Variants in MROH9 observed in about 807,000 individuals in gnomAD.
MROH9 encodes the protein maestro heat-like repeat-containing protein family member 9.
Under a neutral mutation model 98.2 loss-of-function variants are expected in MROH9, and 92 were observed. The observed-to-expected ratio is 0.94, with a 90% CI of 0.79 to 1.11. The LOEUF is 1.11. MROH9 is among the 50% of genes most tolerant of loss of function. The pLI, the probability that MROH9 is intolerant of heterozygous loss-of-function variation, is 0.00. For synonymous variants in MROH9, 397 were observed against 368.9 expected (o/e 1.08, Z -0.87); for missense variants, 1,057 against 1,014.8 (o/e 1.04, Z -0.57).
At chr1:170,946,714 C>T (rs544252033) in intron 2 of MROH9, among the ~76,000 whole-genome samples, 8 of 151,638 alleles carry the variant, frequency 5.3e-5, no homozygotes, top group African/African-American at 7.3e-5. Context: ...CTAAATATAC[C>T]GATTAAAATA....
At chr1:170,987,726 A>C (rs1651205918) in intron 10 of MROH9, among the ~76,000 whole-genome samples, 1 of 152,160 alleles carries the variant, frequency 6.6e-6, no homozygotes, top group African/African-American at 2.4e-5. Context: ...CATTCTTTCC[A>C]AAAGGGTGGA....
At chr1:170,970,727 TGTGTGAGAGA>T (rs1251060792) in intron 7 of MROH9, among the ~76,000 whole-genome samples, 30 of 124,442 alleles carry the variant, frequency 2.4e-4, no homozygotes, top group East Asian at 4.8e-4. Flanking sequence ...TGTGTGTGTG[TGTGTGAGAGA>T]GAGAGAGAGA....
At chr1:170,944,016 A>G (rs1204600679) in intron 1 of MROH9, among the ~76,000 whole-genome samples, 1 of 152,048 alleles carries the variant, frequency 6.6e-6, no homozygotes, top group Admixed American at 6.6e-5. Context: ...GCTAATAACA[A>G]TTATAATAAA....
At chr1:170,943,631 G>T (rs1031653777) in intron 1 of MROH9, among the ~76,000 whole-genome samples, 4 of 151,454 alleles carry the variant, frequency 2.6e-5, no homozygotes, top group Admixed American at 1.3e-4. Context: ...GGAGAAAAAG[G>T]TTCATTTGAT....
In MROH9 at chr1:171,036,505, G is replaced by A. The variant is rs570420013; in HGVS notation, c.2281+11085G>A. On this transcript the variant is annotated intron_variant, in intron 20 of 21. Transcript: ENST00000367759. ...TGACATCATCTTATAAGCTAAAGTT[G>A]AGCATAATGTTCCTATAAATCTGTA... Among the ~76,000 whole-genome samples, 8 of 152,072 alleles carry A rather than the reference G, an allele frequency of 5.3e-5. No individual in the cohort carries two copies. The South Asian group carries it at 1.2e-3, about 24-fold the overall frequency.
chr1:171,033,643 GCTT>G (rs1557906900), intron 20 of MROH9, among the ~76,000 whole-genome samples: 2 of 152,112 alleles, frequency 1.3e-5, no homozygotes, highest in Non-Finnish European at 2.9e-5. Context: ...GGATTCACAT[GCTT>G]ATTATGTTTT....
At chr1:171,019,388 T>C (rs954014953) in intron 17 of MROH9, among the ~76,000 whole-genome samples, 3 of 152,114 alleles carry the variant, frequency 2.0e-5, no homozygotes, top group African/African-American at 7.2e-5. Context: ...GAGAAGTGGC[T>C]GATGCCTGTA....
At chr1:171,000,963 C>T (rs1289218000) in intron 15 of MROH9, among the ~76,000 whole-genome samples, 3 of 151,924 alleles carry the variant, frequency 2.0e-5, no homozygotes, top group Non-Finnish European at 4.4e-5. Flanking sequence ...CTGATTTAAG[C>T]TAGGGGAGTT....
chr1:170,982,297 C>T (rs1251985903), intron 8 of MROH9, among the ~76,000 whole-genome samples: 1 of 152,016 alleles, frequency 6.6e-6, no homozygotes, highest in Non-Finnish European at 1.5e-5. Flanking sequence ...TGTACGAAAA[C>T]ATGGATGAAT....
At chr1:170,987,577 C>T (rs750880096) in intron 10 of MROH9, among the ~76,000 whole-genome samples, 8 of 152,110 alleles carry the variant, frequency 5.3e-5, no homozygotes, top group Non-Finnish European at 8.8e-5. Context: ...ATTTTTTAGT[C>T]GTGAGCACAA....
chr1:171,052,855 T>C (rs1332001375), intron 20 of MROH9, among the ~76,000 whole-genome samples: 1 of 152,082 alleles, frequency 6.6e-6, no homozygotes, highest in Admixed American at 6.6e-5. Flanking sequence ...AAATACGCCT[T>C]AGTAGGGAGT....
At chr1:171,041,714 T>C (rs1024086625) in intron 20 of MROH9, among the ~76,000 whole-genome samples, 1 of 152,006 alleles carries the variant, frequency 6.6e-6, no homozygotes, top group Non-Finnish European at 1.5e-5. Flanking sequence ...CATTTTTCTC[T>C]GTAACTTCAT....
intron 3 of MROH9, among the ~76,000 whole-genome samples, chr1:170,949,281 T>C (rs1047987372): frequency 6.6e-6 from 1 of 151,920 alleles, no homozygotes; most frequent in African/African-American, 2.4e-5. Context: ...GTGGAAAGAG[T>C]ATTTCAGTAC....
chr1:171,014,475 T>A (rs981309210), intron 16 of MROH9, among the ~76,000 whole-genome samples: 2 of 151,020 alleles, frequency 1.3e-5, no homozygotes, highest in East Asian at 1.9e-4. Flanking sequence ...TTTTTTTTTT[T>A]ACAGAAAATC....
At chr1:171,029,407 AC>A (rs1259868922) in intron 20 of MROH9, among the ~76,000 whole-genome samples, 4 of 152,016 alleles carry the variant, frequency 2.6e-5, no homozygotes, top group Non-Finnish European at 5.9e-5. Context: ...ACGAGGTTTC[AC>A]CATGTTGTTC....
At chr1:171,050,595 ACAT>A (rs60369268) in intron 20 of MROH9, among the ~76,000 whole-genome samples, 18,300 of 152,106 alleles carry the variant, frequency 0.12, 1,196 homozygotes, top group Middle Eastern at 0.22. Flanking sequence ...TCTGCATGTA[ACAT>A]CATATCATCA....
At chr1:170,943,727 T>C (rs1429466627) in intron 1 of MROH9, among the ~76,000 whole-genome samples, 2 of 151,972 alleles carry the variant, frequency 1.3e-5, no homozygotes, top group African/African-American at 2.4e-5. Context: ...TGTAAAATCC[T>C]TATGAAAACA....
intron 8 of MROH9, among the ~76,000 whole-genome samples, chr1:170,976,838 C>A (rs181360439): frequency 2.1e-3 from 320 of 152,176 alleles, no homozygotes; most frequent in Middle Eastern, 0.01. Context: ...AAGTTGTTGG[C>A]TTTCTCTCCA....
At chr1:170,956,791 T>C (rs945612182) in intron 3 of MROH9, among the ~76,000 whole-genome samples, 4 of 151,928 alleles carry the variant, frequency 2.6e-5, no homozygotes, top group Admixed American at 6.6e-5. Context: ...AACGATCACA[T>C]CGTCAGCAAA....
Sources: allele counts gnomAD v4.1 joint callset (sites outside exome capture counted in the v4.1 genomes callset), GRCh38; gene constraint gnomAD v4.1.1; transcripts MANE v1.5; gene names NCBI Gene and HGNC (gene_info 2026-07-23, HGNC 2026-07-21).